The following HIBADH variants were observed in gnomAD, a reference collection of about 807,000 sequenced individuals.
The protein encoded by HIBADH is 3-hydroxyisobutyrate dehydrogenase, mitochondrial.
Under a neutral mutation model 36.1 loss-of-function variants are expected in HIBADH, and 25 were observed. That is an observed-to-expected ratio of 0.69 (90% CI 0.50 to 0.97). The LOEUF (loss-of-function observed/expected upper bound fraction) is 0.97, where lower values mean the gene tolerates loss of function less well. Among genes scored for constraint, HIBADH ranks in the 50% least tolerant of loss-of-function variants. The probability of loss-of-function intolerance (pLI) is 0.00; values close to 1 mark genes in which losing one functional copy is unlikely to be tolerated. For missense variants in HIBADH, 421 were observed against 418.0 expected (o/e 1.01, Z -0.06); for synonymous variants, 160 against 149.5 (o/e 1.07, Z -0.51).
At chr7:27,585,016 T>C (rs1384968438) in intron 4 of HIBADH, among the ~76,000 whole-genome samples, 1 of 152,012 alleles carries the variant, frequency 6.6e-6, no homozygotes, top group Non-Finnish European at 1.5e-5. Context: ...CACATATTCT[T>C]ACTCTGGGGG....
chr7:27,645,360 T>C (rs921212459), intron 2 of HIBADH, among the ~76,000 whole-genome samples: 2 of 129,694 alleles, frequency 1.5e-5, no homozygotes, highest in Non-Finnish European at 3.2e-5. Flanking sequence ...GTGTGTCTCA[T>C]GGTTTTGATT....
At chr7:27,550,238 C>T (rs1443817967) in intron 4 of HIBADH, among the ~76,000 whole-genome samples, 1 of 152,062 alleles carries the variant, frequency 6.6e-6, no homozygotes, top group Non-Finnish European at 1.5e-5. Flanking sequence ...CAAAGTTCCT[C>T]CCATTTTTTC....
intron 4 of HIBADH, among the ~76,000 whole-genome samples, chr7:27,575,580 A>G (rs951834786): frequency 2.6e-5 from 4 of 152,154 alleles, no homozygotes; most frequent in Admixed American, 2.6e-4. Context: ...CAGAACAGTG[A>G]GGTGGATATA....
intron 4 of HIBADH, among the ~76,000 whole-genome samples, chr7:27,605,374 G>A (rs1785200696): frequency 1.3e-5 from 2 of 151,210 alleles, no homozygotes; most frequent in Admixed American, 1.3e-4. Context: ...CTCATAGTTA[G>A]GCTTGTGAAA....
chr7:27,552,505 G>A (rs1452865302), intron 4 of HIBADH, among the ~76,000 whole-genome samples: 1 of 152,166 alleles, frequency 6.6e-6, no homozygotes, highest in African/African-American at 2.4e-5. Flanking sequence ...TCAGGGGCAT[G>A]TTTGGGATCA....
intron 1 of HIBADH, among the ~76,000 whole-genome samples, chr7:27,661,190 C>T (rs1009969779): frequency 6.6e-6 from 1 of 152,138 alleles, no homozygotes; most frequent in Non-Finnish European, 1.5e-5. Context: ...GGTTCTGTAT[C>T]AGACATCTGG....
chr7:27,583,288 T>G (rs959552286), intron 4 of HIBADH, among the ~76,000 whole-genome samples: 2 of 152,070 alleles, frequency 1.3e-5, no homozygotes, highest in Non-Finnish European at 2.9e-5. Context: ...AACAGCTTAC[T>G]CTGTTAACAA....
intron 7 of HIBADH, among the ~76,000 whole-genome samples, chr7:27,530,821 GTAT>G (rs1402140583): frequency 1.3e-5 from 2 of 152,218 alleles, no homozygotes; most frequent in Admixed American, 1.3e-4. Context: ...CACTGCCAGT[GTAT>G]TATTAACAAT....
intron 1 of HIBADH, among the ~76,000 whole-genome samples, chr7:27,650,460 T>TTTA (rs1786163718): frequency 1.4e-5 from 2 of 140,206 alleles, no homozygotes; most frequent in Admixed American, 7.2e-5. Context: ...CTTATTATAT[T>TTTA]TTTATTTATT....
intron 7 of HIBADH, among the ~76,000 whole-genome samples, chr7:27,530,948 G>A (rs1019267445): frequency 1.5e-4 from 23 of 151,180 alleles, no homozygotes; most frequent in African/African-American, 3.4e-4. Context: ...ACACACACAC[G>A]CACACACATA....
chr7:27,547,344 C>T (rs998311169), intron 4 of HIBADH, among the ~76,000 whole-genome samples: 5 of 152,188 alleles, frequency 3.3e-5, no homozygotes, highest in African/African-American at 1.2e-4. Flanking sequence ...CTCAACCTAA[C>T]AATCTAAAAT....
chr7:27,651,678 C>T (rs546503656), intron 1 of HIBADH, among the ~76,000 whole-genome samples: 2 of 152,292 alleles, frequency 1.3e-5, no homozygotes, highest in African/African-American at 4.8e-5. Flanking sequence ...AGTATGGTCA[C>T]GTAGAACCAC....
intron 2 of HIBADH, among the ~76,000 whole-genome samples, chr7:27,635,559 T>C (rs1409283775): frequency 6.6e-6 from 1 of 152,080 alleles, no homozygotes; most frequent in Non-Finnish European, 1.5e-5. Context: ...ATCTCCAAAG[T>C]AAAAAGGAAA....
chr7:27,528,697 GGAAGGT>G (rs1440367446), intron 7 of HIBADH, among the ~76,000 whole-genome samples: 2 of 152,228 alleles, frequency 1.3e-5, no homozygotes, highest in Non-Finnish European at 2.9e-5. Context: ...ACATAAAAGT[GGAAGGT>G]GAAGCAGCAA....
intron 2 of HIBADH, among the ~76,000 whole-genome samples, chr7:27,646,040 A>G (rs938351232): frequency 7.2e-5 from 11 of 152,170 alleles, no homozygotes; most frequent in African/African-American, 2.7e-4. Flanking sequence ...CCAAAGTCAT[A>G]AAGATTTACC....
chr7:27,574,174 T>G (rs1485789673), intron 4 of HIBADH, among the ~76,000 whole-genome samples: 1 of 148,128 alleles, frequency 6.8e-6, no homozygotes, highest in African/African-American at 2.5e-5. Flanking sequence ...AAGTCTGTGA[T>G]GGAAATACAG....
intron 1 of HIBADH, among the ~76,000 whole-genome samples, chr7:27,657,991 G>A (rs914413458): frequency 1.3e-5 from 2 of 152,164 alleles, no homozygotes; most frequent in African/African-American, 2.4e-5. Flanking sequence ...TAGCAGTACA[G>A]GTCAAGTCCT....
intron 6 of HIBADH, among the ~76,000 whole-genome samples, chr7:27,534,909 T>C (rs1784051082): frequency 6.6e-6 from 1 of 151,372 alleles, no homozygotes; most frequent in African/African-American, 2.4e-5. Context: ...AGTGGATAGA[T>C]GTAATCACTT....
chr7:27,564,501 T>A (rs914831705), intron 4 of HIBADH, among the ~76,000 whole-genome samples: 2 of 152,232 alleles, frequency 1.3e-5, no homozygotes, highest in Non-Finnish European at 2.9e-5. Context: ...TATTTTAAAC[T>A]CTCTTCTGTT....
Sources: allele counts gnomAD v4.1 joint callset (sites outside exome capture counted in the v4.1 genomes callset), GRCh38; gene constraint gnomAD v4.1.1; transcripts MANE v1.5; gene names NCBI Gene and HGNC (gene_info 2026-07-23, HGNC 2026-07-21).